Variants in GRIN2B observed in about 807,000 individuals in gnomAD.
GRIN2B encodes glutamate ionotropic receptor NMDA type subunit 2B.
GRIN2B carries 5 observed loss-of-function variants against 114.5 expected under a neutral mutation model. The ratio of observed to expected loss-of-function variants is 0.04; its 90% CI spans 0.02 to 0.09. GRIN2B has a LOEUF of 0.09. GRIN2B is among the 10% of genes least tolerant of loss of function. The pLI is 1.00. For synonymous variants in GRIN2B, 787 were observed against 745.1 expected (o/e 1.06, Z -0.92); for missense variants, 1,108 against 1,943.5 (o/e 0.57, Z 8.08).
chr12:13,575,381 G>C lies in GRIN2B; in HGVS notation c.2011-3417C>G, dbSNP rs577520418. Among the ~76,000 whole-genome samples the C allele has an allele frequency of 4.6e-5, 7 of 152,200 alleles. 1 individual carries two copies. The highest frequency in any genetic ancestry group is 4.2e-4 in the South Asian group (2 of 4,818). ...TCCTTCAAATGAAAATAATCGGGCC[G>C]GGTGCAGTGGCTCACGCCTGTAATC... is the stretch of plus-strand genomic sequence containing the variant. On this transcript the variant is annotated intron_variant, in intron 10 of 13. Coordinates refer to ENST00000609686, the MANE Select transcript of GRIN2B (RefSeq NM_000834.5).
At chr12:13,773,961 A>C (rs1371952999) in intron 3 of GRIN2B, among the ~76,000 whole-genome samples, 4 of 152,172 alleles carry the variant, frequency 2.6e-5, no homozygotes, top group African/African-American at 9.7e-5. Context: ...CGCAAGCCTA[A>C]GACAAACCAG....
intron 2 of GRIN2B, among the ~76,000 whole-genome samples, chr12:13,868,651 C>T (rs1865862159): frequency 6.6e-6 from 1 of 152,192 alleles, no homozygotes. Flanking sequence ...AACTTTAATG[C>T]ACTCCACTCT....
intron 3 of GRIN2B, among the ~76,000 whole-genome samples, chr12:13,818,214 C>A (rs764893566): frequency 4.6e-5 from 7 of 152,164 alleles, no homozygotes; most frequent in Non-Finnish European, 8.8e-5. Context: ...AGGAAAAGAA[C>A]TGAATCGTCC....
chr12:13,835,115 G>A (rs1255960625), intron 3 of GRIN2B, among the ~76,000 whole-genome samples: 4 of 152,074 alleles, frequency 2.6e-5, no homozygotes, highest in Non-Finnish European at 5.9e-5. Flanking sequence ...ATAACAGACT[G>A]TAATTCAACT....
At chr12:13,857,794 C>T (rs557621631) in intron 3 of GRIN2B, among the ~76,000 whole-genome samples, 1 of 152,296 alleles carries the variant, frequency 6.6e-6, no homozygotes, top group South Asian at 2.1e-4. Context: ...CACAGAGTTG[C>T]CCATGTGACA....
At chr12:13,583,615 G>C (rs1259509387) in intron 10 of GRIN2B, among the ~76,000 whole-genome samples, 1 of 152,148 alleles carries the variant, frequency 6.6e-6, no homozygotes, top group African/African-American at 2.4e-5. Context: ...TTTAGAGGGA[G>C]TGAAAATCAT....
chr12:13,668,934 G>C (rs979912045), intron 5 of GRIN2B, among the ~76,000 whole-genome samples: 3 of 145,938 alleles, frequency 2.1e-5, no homozygotes, highest in African/African-American at 7.5e-5. Flanking sequence ...AGAGAAAGAA[G>C]GAGAAGTAAA....
intron 10 of GRIN2B, 117 bp downstream of exon 10, chr12:13,608,476 TACAAGAAAAC>T: frequency 1.4e-6 from 1 of 725,284 alleles, no homozygotes; most frequent in Non-Finnish European, 2.5e-6. Flanking sequence ...CATGTTCCAA[TACAAGAAAAC>T]ATAAGAAAGA....
chr12:13,660,906 T>C (rs1949915912), intron 5 of GRIN2B, among the ~76,000 whole-genome samples: 1 of 152,160 alleles, frequency 6.6e-6, no homozygotes, highest in Non-Finnish European at 1.5e-5. Context: ...TTTCCTCCTC[T>C]CTCTCCACAG....
chr12:13,780,934 G>A (rs1864101031), intron 3 of GRIN2B, among the ~76,000 whole-genome samples: 4 of 151,352 alleles, frequency 2.6e-5, no homozygotes, highest in Admixed American at 2.6e-4. Flanking sequence ...AAATTTTATA[G>A]ATGTAGTATG....
At chr12:13,784,066 T>G (rs1238571446) in intron 3 of GRIN2B, among the ~76,000 whole-genome samples, 1 of 151,374 alleles carries the variant, frequency 6.6e-6, no homozygotes, top group Admixed American at 6.6e-5. Flanking sequence ...TACTAAAAAC[T>G]ACAAAAAATT....
At chr12:13,847,296 A>G (rs1184605414) in intron 3 of GRIN2B, among the ~76,000 whole-genome samples, 1 of 152,132 alleles carries the variant, frequency 6.6e-6, no homozygotes, top group South Asian at 2.1e-4. Context: ...AAGCATATGG[A>G]TGGGGAAGGT....
Position 13,548,260 on chromosome 12 carries a change from C to A in GRIN2B, c.*14523G>T, listed in dbSNP as rs1170453339. ...AGGGATACTTGAAATAGGAAGATAT[C>A]TTTATGTTGTGTATACTCGGTTTAG... is the stretch of plus-strand genomic sequence containing the variant. On this transcript the variant is annotated 3_prime_UTR_variant, in exon 14 of 14. Transcript: ENST00000609686. 6.6e-6 allele frequency: 1 copy of A among 151,782 alleles called. No individual in the cohort carries two copies. Among genetic ancestry groups the A allele is most frequent in the African/African-American group, 2.4e-5 (1 of 41,318 alleles). The allele number at this position is 151,782 out of a possible 1,614,324, so 9.4% of individuals were successfully genotyped here. A position where few individuals can be genotyped will look rare whatever the true frequency, so the allele number is the denominator to read the frequency against.
At chr12:13,887,573 T>A (rs913131354) in intron 2 of GRIN2B, among the ~76,000 whole-genome samples, 1 of 152,228 alleles carries the variant, frequency 6.6e-6, no homozygotes, top group Non-Finnish European at 1.5e-5. Flanking sequence ...AAAAGAAATC[T>A]AAACTTCTAA....
chr12:13,916,271 G>T (rs969285366), intron 2 of GRIN2B, among the ~76,000 whole-genome samples: 6 of 152,106 alleles, frequency 3.9e-5, no homozygotes, highest in African/African-American at 1.4e-4. Context: ...AAGCAATAAA[G>T]AATATTAAGT....
At chr12:13,814,993 T>C (rs1392814949) in intron 3 of GRIN2B, among the ~76,000 whole-genome samples, 3 of 152,238 alleles carry the variant, frequency 2.0e-5, no homozygotes, top group Non-Finnish European at 4.4e-5. Context: ...CTCATTTTTC[T>C]AGATTTTGTT....
chr12:13,576,546 CTTTTT>C (rs1565459730), intron 10 of GRIN2B, among the ~76,000 whole-genome samples: 12 of 148,350 alleles, frequency 8.1e-5, no homozygotes, highest in Non-Finnish European at 3.0e-5. Flanking sequence ...TTTCTTTTTT[CTTTTT>C]TCTTTTTTTT....
Position 13,611,860 on chromosome 12 carries a change from G to C in GRIN2B, c.1655-10C>G. The C allele has an allele frequency of 6.2e-7, 1 of 1,613,106 alleles. No homozygotes were observed. Among genetic ancestry groups the C allele is most frequent in the Non-Finnish European group, 8.5e-7 (1 of 1,179,100 alleles). On this transcript the variant is annotated splice_polypyrimidine_tract_variant and intron_variant, in intron 8 of 13. Coordinates refer to ENST00000609686, the MANE Select transcript of GRIN2B (RefSeq NM_000834.5). Reference sequence around the variant, plus strand: ...TCAGCGCTGAATGGCTCTGAGGAAGGGAAAAAAGCAGTGCTCAGGGTTAGA... The same window carrying C: ...TCAGCGCTGAATGGCTCTGAGGAAGCGAAAAAAGCAGTGCTCAGGGTTAGA...
intron 5 of GRIN2B, among the ~76,000 whole-genome samples, chr12:13,656,395 G>A (rs1273680766): frequency 2.0e-5 from 3 of 152,166 alleles, no homozygotes; most frequent in East Asian, 1.9e-4. Context: ...CTGTGTGCAC[G>A]TAACCATGAC....
Sources: allele counts gnomAD v4.1 joint callset (sites outside exome capture counted in the v4.1 genomes callset), GRCh38; gene constraint gnomAD v4.1.1; transcripts MANE v1.5; gene names NCBI Gene and HGNC (gene_info 2026-07-23, HGNC 2026-07-21).